KMT2B: variants seen among roughly 807,000 people sequenced by gnomAD.
KMT2B encodes lysine methyltransferase 2B.
In KMT2B, 22 loss-of-function variants were observed where a neutral mutation model predicts 255.3. The observed-to-expected ratio is 0.09, with a 90% CI of 0.06 to 0.12. The LOEUF is 0.12. Ranked by LOEUF, KMT2B falls within the 10% of genes least tolerant of loss-of-function variation. KMT2B has a pLI of 1.00. For missense variants in KMT2B, 3,149 were observed against 3,737.0 expected (o/e 0.84, Z 4.10); for synonymous variants, 1,730 against 1,498.1 (o/e 1.15, Z -3.57).
chr19:35,719,946 C>G lies in KMT2B; in HGVS notation c.599C>G (p.Ala200Gly), dbSNP rs1011366665. 1 of 1,613,392 alleles carries G rather than the reference C, an allele frequency of 6.2e-7. No homozygotes were observed. The highest frequency in any genetic ancestry group is 1.3e-5 in the African/African-American group (1 of 75,042). ...VQALTELLRR[A>G]QAPQAPRSRA... is the part of the protein sequence containing the mutation. ...GCACTGACTGAACTTCTCCGGCGGGCCCAGGCACCCCAAGCACCCCGGAGC... is the reference window on the plus strand; with the variant it reads ...GCACTGACTGAACTTCTCCGGCGGGGCCAGGCACCCCAAGCACCCCGGAGC... The change falls in exon 3 of 37, where the codon GCC (alanine) becomes GGC (glycine). Residue 200 changes from alanine (A) to glycine (G), a missense_variant. Around this residue, in one of 18 missense-constraint regions of KMT2B, gnomAD observed 1,188 missense variants for 1,106.4 expected, o/e 1.07. Coordinates refer to ENST00000420124, the MANE Select transcript of KMT2B (RefSeq NM_014727.3).
Position 35,723,301 on chromosome 19 carries a change from C to T in KMT2B, c.3002+27C>T. 1.2e-6 allele frequency: 2 copies of T among 1,601,080 alleles called. No individual in the cohort carries two copies. The highest frequency in any genetic ancestry group is 1.1e-5 in the South Asian group (1 of 90,370). ...TGAGTAGCTGGGGCGTGACCTCATT[C>T]CCGTGGTTGTTGGTCCCCTAGGCTT... On this transcript the variant is annotated intron_variant, in intron 6 of 36. Transcript: ENST00000420124. This position sits in a 1 kb window ranked among gnomAD's most constrained non-coding sequence, Gnocchi z 7.5.
intron 23 of KMT2B, 52 bp downstream of exon 23, chr19:35,730,177 C>G (rs1198901765): frequency 6.2e-7 from 1 of 1,609,324 alleles, no homozygotes; most frequent in Non-Finnish European, 8.5e-7. Context: ...TCTTCCTGTT[C>G]ACTTAGGGAC....
In KMT2B at chr19:35,721,233, C is replaced by T. The variant is rs548700728; in HGVS notation, c.1886C>T (p.Pro629Leu). ...PPPPPAPPPP[P>L]APSPPPAPAT... ...CCTCCCCCAGCCCCTCCACCTCCCC[C>T]GGCCCCCTCCCCACCCCCTGCTCCT... The change falls in exon 3 of 37, where the codon CCG becomes CTG. Residue 629 changes from proline (P) to leucine (L), a missense_variant. Coordinates refer to ENST00000420124, the MANE Select transcript of KMT2B (RefSeq NM_014727.3). 121 of 1,467,510 alleles carry T rather than the reference C, an allele frequency of 8.2e-5. No homozygotes were observed. Among genetic ancestry groups the T allele is most frequent in the East Asian group, 2.0e-4 (8 of 40,068 alleles). The allele number at this position is 1,467,510 out of a possible 1,614,324, so 90.9% of individuals were successfully genotyped here.
chr19:35,721,036 G>A lies in KMT2B; in HGVS notation c.1689G>A (p.Leu563=). 1 of 1,605,038 alleles carries A rather than the reference G, an allele frequency of 6.2e-7. No homozygotes were observed. The highest frequency in any genetic ancestry group is 1.4e-5 in the African/African-American group (1 of 72,780). ...CAAAGGTGGAGGTCTCACCTGTCCT[G>A]CGACCTCCCATTACCACCTCCCCAC... The part of the protein sequence containing the change: ...KPPKVEVSPV[L]RPPITTSPPV... The change falls in exon 3 of 37, where the codon CTG becomes CTA. Residue 563 remains leucine (L), a synonymous_variant. Transcript: ENST00000420124.
chr19:35,722,734 G>A lies in KMT2B; in HGVS notation c.2722+16G>A. 6.4e-7 allele frequency: 1 copy of A among 1,571,130 alleles called. No homozygotes were observed. The highest frequency in any genetic ancestry group is 1.2e-5 in the South Asian group (1 of 84,308). ...GCCACAGAGGGTAGGTGGGGAGACTGGACAGCCATGTCAGGTTTGGGGATG... is the reference window on the plus strand; with the variant it reads ...GCCACAGAGGGTAGGTGGGGAGACTAGACAGCCATGTCAGGTTTGGGGATG... On this transcript the variant is annotated intron_variant, in intron 5 of 36. Coordinates refer to ENST00000420124, the MANE Select transcript of KMT2B (RefSeq NM_014727.3).
Position 35,733,396 on chromosome 19 carries a change from A to G in KMT2B, c.6847A>G (p.Thr2283Ala), listed in dbSNP as rs1434829009. ...RQAIRVKRVSTFSGRSPPAPP... is the reference protein window; with the variant it reads ...RQAIRVKRVSAFSGRSPPAPP... Reference sequence around the variant, plus strand: ...GGCCATCCGCGTCAAGAGGGTGTCCACTTTCTCCGGCCGGTCCCCGCCAGC... The same window carrying G: ...GGCCATCCGCGTCAAGAGGGTGTCCGCTTTCTCCGGCCGGTCCCCGCCAGC... The change falls in exon 28 of 37, where the codon ACT (threonine) becomes GCT (alanine). Residue 2283 changes from threonine to alanine, a missense_variant. By Grantham distance (58) the Thr-to-Ala change is moderately conservative. Around this residue, in one of 18 missense-constraint regions of KMT2B, gnomAD observed 897 missense variants for 825.3 expected, o/e 1.09. Coordinates refer to ENST00000420124, the MANE Select transcript of KMT2B (RefSeq NM_014727.3). This position sits in a 1 kb window ranked among gnomAD's most constrained non-coding sequence, Gnocchi z 4.3. The G allele has an allele frequency of 1.2e-5, 19 of 1,543,792 alleles. No homozygotes were observed. The highest frequency in any genetic ancestry group is 1.6e-5 in the Non-Finnish European group (18 of 1,143,782).
At position 35,732,713 on chromosome 19, in the gene KMT2B, C is replaced by A. The variant is rs1343469053; in HGVS notation, c.6164C>A (p.Ala2055Asp). 1.2e-6 allele frequency: 2 copies of A among 1,609,326 alleles called. No homozygotes were observed. The highest frequency in any genetic ancestry group is 1.7e-6 in the Non-Finnish European group (2 of 1,178,282). ...CTGGCCCCCAGCGCTACCCCTGGAG[C>A]CCCCCGCATTGAACAGCTGGACGGC... ...PGLAPSATPG[A>D]PRIEQLDGVD... Residue 2055 changes from alanine (A) to aspartate (D), a missense_variant, in exon 28 of 37, where the codon GCC becomes GAC. This residue lies in a region of KMT2B where 897 missense variants were observed against 825.3 expected (regional missense o/e 1.09). Transcript: ENST00000420124.
rs1057220303 is a variant in KMT2B at position 35,732,103 on chromosome 19, G to C, written c.5633G>C (p.Gly1878Ala). ...PNYSPSRRPL[G>A]GVSFGPLPSP... The stretch of plus-strand genomic sequence containing the variant: ...TACTCGCCATCCCGGAGGCCCTTGG[G>C]GGGTGTCTCCTTTGGCCCCCTGCCC... Residue 1878 changes from glycine (G) to alanine (A), a missense_variant, in exon 27 of 37, where the codon GGG becomes GCG. By Grantham distance (60) the Gly-to-Ala change is moderately conservative. This residue lies in a region of KMT2B where 897 missense variants were observed against 825.3 expected (regional missense o/e 1.09). Transcript: ENST00000420124. 6.2e-6 allele frequency: 10 copies of C among 1,603,146 alleles called. No homozygotes were observed. Among genetic ancestry groups the C allele is most frequent in the African/African-American group, 2.7e-5 (2 of 74,468 alleles).
rs761109288 is a variant in KMT2B at position 35,726,247 on chromosome 19, C to G, written c.3897C>G (p.Ala1299=). 1.7e-5 allele frequency: 28 copies of G among 1,613,426 alleles called. No homozygotes were observed. The highest frequency in any genetic ancestry group is 2.7e-5 in the African/African-American group (2 of 74,906). ...TRKRRHWICS[A]CVRCKSCGAT... is the part of the protein sequence containing the mutation. ...CCCTGCTCCCCCAGATCTGTTCAGC[C>G]TGTGTGCGCTGTAAGAGCTGTGGGG... The change falls in exon 14 of 37, where the codon GCC becomes GCG. Residue 1299 remains alanine (A), a synonymous_variant. Coordinates refer to ENST00000420124, the MANE Select transcript of KMT2B (RefSeq NM_014727.3).
In KMT2B at chr19:35,738,149, C is replaced by G; in HGVS notation, c.7830C>G (p.Arg2610=). The change falls in exon 36 of 37, where the codon CGC becomes CGG. Residue 2610 remains arginine (R), a synonymous_variant. Transcript: ENST00000420124. The surrounding 1 kb of genome is among the most constrained non-coding windows in gnomAD (Gnocchi z 8.7). ...MVIEYSGIVI[R]SVLTDKREKF... ...TCGAGTACTCTGGCATTGTCATCCG[C>G]TCGGTGTTGACTGACAAGCGGGAGA... is the stretch of plus-strand genomic sequence containing the variant. The G allele has an allele frequency of 1.2e-6, 2 of 1,613,830 alleles. No individual in the cohort carries two copies. The highest frequency in any genetic ancestry group is 1.7e-6 in the Non-Finnish European group (2 of 1,179,866).
chr19:35,736,508 A>T, intron 30 of KMT2B, 182 bp from the exon 31 acceptor site: 1 of 684,360 alleles, frequency 1.5e-6, no homozygotes, highest in Admixed American at 3.0e-5. Flanking sequence ...TCCTTAGGGG[A>T]AGAAATGTCC....
chr19:35,732,357 C>T lies in KMT2B; in HGVS notation c.5808C>T (p.Ser1936=). 3 of 1,612,440 alleles carry T rather than the reference C, an allele frequency of 1.9e-6. No individual in the cohort carries two copies. The African/African-American group carries it at 4.0e-5, about 21-fold the overall frequency. The change falls in exon 28 of 37, where the codon TCC becomes TCT. Residue 1936 remains serine (S), a synonymous_variant. Transcript: ENST00000420124. ...GGGCCTCCCCTCCTCTAAAAACCTCCCCTCAGCTCAGGGTGCCCCCTCCTA... is the reference window on the plus strand; with the variant it reads ...GGGCCTCCCCTCCTCTAAAAACCTCTCCTCAGCTCAGGGTGCCCCCTCCTA... The part of the protein sequence containing the change: ...SRWASPPLKT[S]PQLRVPPPTS...
At position 35,727,169 on chromosome 19, in the gene KMT2B, G is replaced by A. The variant is rs367818131; in HGVS notation, c.4017G>A (p.Pro1339=). 1.6e-5 allele frequency: 26 copies of A among 1,611,946 alleles called. No homozygotes were observed. The highest frequency in any genetic ancestry group is 6.7e-5 in the East Asian group (3 of 44,858). ...TQLYEKGNYC[P]ICTRCYEDND... ...CCCTTTCTCTAGGAAACTACTGCCC[G>A]ATCTGTACACGCTGCTATGAAGACA... is the stretch of plus-strand genomic sequence containing the variant. Residue 1339 remains proline (P), a synonymous_variant, in exon 15 of 37, where the codon CCG becomes CCA. Transcript: ENST00000420124. This position sits in a 1 kb window ranked among gnomAD's most constrained non-coding sequence, Gnocchi z 4.2.
At chr19:35,734,669 C>T (rs993217653) in intron 30 of KMT2B, among the ~76,000 whole-genome samples, 1 of 152,006 alleles carries the variant, frequency 6.6e-6, no homozygotes, top group Non-Finnish European at 1.5e-5. Context: ...GGTGGAGGCC[C>T]CTGGAGGAGG....
chr19:35,727,615 G>T lies in KMT2B; in HGVS notation c.4295G>T (p.Cys1432Phe). 6.2e-7 allele frequency: 1 copy of T among 1,608,788 alleles called. No homozygotes were observed. ...AAGGTGGTGGGCCCACTGCTGCTCT[G>T]CACCCAGGTCTGGAGGGCCCTGGAG... Reference protein sequence around the residue: ...SSKVVGPLLLCTQCGPDGKQL... With the variant: ...SSKVVGPLLLFTQCGPDGKQL... The change falls in exon 16 of 37, where the codon TGC becomes TTC. Residue 1432 changes from cysteine (C) to phenylalanine (F), a missense_variant. Physicochemically the swap from Cys to Phe is radical, Grantham distance 205. Coordinates refer to ENST00000420124, the MANE Select transcript of KMT2B (RefSeq NM_014727.3). This position sits in a 1 kb window ranked among gnomAD's most constrained non-coding sequence, Gnocchi z 4.2.
At position 35,718,520 on chromosome 19, in the gene KMT2B, G is replaced by C; in HGVS notation, c.363+139G>C. 1 of 1,014,664 alleles carries C rather than the reference G, an allele frequency of 9.9e-7. No homozygotes were observed. Among genetic ancestry groups the C allele is most frequent in the Non-Finnish European group, 1.3e-6 (1 of 798,530 alleles). The allele number at this position is 1,014,664 out of a possible 1,614,324, so 62.9% of individuals were successfully genotyped here. ...AGAGACGGGGCACGGAGGGAGGGCG[G>C]CTGCATGCAGCTTCCGGGGGAAAGG... On this transcript the variant is annotated intron_variant, in intron 1 of 36. Coordinates refer to ENST00000420124, the MANE Select transcript of KMT2B (RefSeq NM_014727.3). This position sits in a 1 kb window ranked among gnomAD's most constrained non-coding sequence, Gnocchi z 5.0.
At position 35,738,317 on chromosome 19, in the gene KMT2B, T is replaced by C. The variant is rs111335381; in HGVS notation, c.7908T>C (p.Phe2636=). 3 of 1,613,868 alleles carry C rather than the reference T, an allele frequency of 1.9e-6. No homozygotes were observed. Among genetic ancestry groups the C allele is most frequent in the Admixed American group, 1.7e-5 (1 of 59,996 alleles). ...GCTATATGTTCCGCATGGATGACTTTGATGTAGTGGACGCCACGATGCATG... is the reference window on the plus strand; with the variant it reads ...GCTATATGTTCCGCATGGATGACTTCGATGTAGTGGACGCCACGATGCATG... ...IGCYMFRMDD[F]DVVDATMHGN... is the part of the protein sequence containing the mutation. The change falls in exon 37 of 37, where the codon TTT becomes TTC. Residue 2636 remains phenylalanine (F), a synonymous_variant. Transcript: ENST00000420124. The surrounding 1 kb of genome is among the most constrained non-coding windows in gnomAD (Gnocchi z 8.7).
Position 35,733,187 on chromosome 19 carries a change from C to A in KMT2B, c.6638C>A (p.Pro2213His), listed in dbSNP as rs776567341. 6.5e-7 allele frequency: 1 copy of A among 1,547,796 alleles called. No individual in the cohort carries two copies. Among genetic ancestry groups the A allele is most frequent in the African/African-American group, 1.4e-5 (1 of 73,056 alleles). The change falls in exon 28 of 37, where the codon CCC (proline) becomes CAC (histidine). Residue 2213 changes from proline to histidine, a missense_variant. Transcript: ENST00000420124. The surrounding 1 kb of genome is among the most constrained non-coding windows in gnomAD (Gnocchi z 4.3). ...KMAGEGEPVPPPVKQPPLPPT... is the reference protein window; with the variant it reads ...KMAGEGEPVPHPVKQPPLPPT... ...GCTGGGGAGGGTGAACCTGTCCCAC[C>A]CCCAGTGAAGCAGCCACCTTTGCCC...
chr19:35,734,936 C>T (rs573938347), intron 30 of KMT2B, among the ~76,000 whole-genome samples: 1 of 152,290 alleles, frequency 6.6e-6, no homozygotes, highest in East Asian at 1.9e-4. Context: ...TCAGAGATGA[C>T]ATGAGAATAT....
Sources: gnomAD v4.1 joint callset for allele counts (sites outside exome capture counted in the v4.1 genomes callset) on GRCh38, gnomAD v4.1.1 for gene constraint, gnomAD v4.1.1 regional missense constraint, Gnocchi (gnomAD v3.1) non-coding constraint, MANE v1.5 for transcripts, NCBI Gene and HGNC (gene_info 2026-07-23, HGNC 2026-07-21) for gene names.